The following AUH variants were observed in gnomAD, a reference collection of about 807,000 sequenced individuals.
AUH encodes methylglutaconyl-CoA hydratase, mitochondrial.
AUH carries 29 observed loss-of-function variants against 42.3 expected under a neutral mutation model. The ratio of observed to expected loss-of-function variants is 0.69; its 90% CI spans 0.51 to 0.93. AUH has a LOEUF of 0.93. AUH is among the 40% of genes least tolerant of loss of function. The pLI is 0.00. For missense variants in AUH, 452 were observed against 438.1 expected, an observed-to-expected ratio of 1.03 and a Z score of -0.28; for synonymous variants, 174 against 166.4, an observed-to-expected ratio of 1.05 and a Z score of -0.35.
intron 1 of AUH, among the ~76,000 whole-genome samples, chr9:91,357,187 C>G (rs1832480313): frequency 2.0e-5 from 3 of 152,196 alleles, no homozygotes; most frequent in Non-Finnish European, 4.4e-5. Context: ...GGTCCCAATA[C>G]TACTGACAAC....
chr9:91,315,247 C>A (rs1829065561), intron 4 of AUH, among the ~76,000 whole-genome samples: 1 of 152,204 alleles, frequency 6.6e-6, no homozygotes, highest in Admixed American at 6.5e-5. Flanking sequence ...CCCTCTGTTT[C>A]ATCTTTTGAC....
chr9:91,274,252 A>G (rs936009260), intron 6 of AUH, among the ~76,000 whole-genome samples: 19 of 152,356 alleles, frequency 1.2e-4, no homozygotes, highest in East Asian at 3.9e-4. Context: ...CATTTAACAA[A>G]TATTTACTAA....
chr9:91,302,187 C>T (rs984079211), intron 4 of AUH, among the ~76,000 whole-genome samples: 2 of 142,380 alleles, frequency 1.4e-5, no homozygotes, highest in Non-Finnish European at 3.1e-5. Flanking sequence ...AAGAGGGGGC[C>T]GGGTGCAGTG....
At chr9:91,358,482 G>C (rs1217948404) in intron 1 of AUH, among the ~76,000 whole-genome samples, 1 of 152,076 alleles carries the variant, frequency 6.6e-6, no homozygotes, top group African/African-American at 2.4e-5. Context: ...AATTCGGCAA[G>C]TTACTTAACC....
chr9:91,255,008 T>C (rs949790899), intron 6 of AUH, among the ~76,000 whole-genome samples: 16 of 152,224 alleles, frequency 1.1e-4, no homozygotes, highest in Non-Finnish European at 1.8e-4. Flanking sequence ...TAGCCTGGAA[T>C]TGAAAACATT....
At chr9:91,237,756 T>C (rs958920780) in intron 6 of AUH, among the ~76,000 whole-genome samples, 1 of 152,214 alleles carries the variant, frequency 6.6e-6, no homozygotes, top group African/African-American at 2.4e-5. Flanking sequence ...AATAACTTCC[T>C]GTTACCTGGT....
chr9:91,226,458 G>A (rs1384160119), intron 6 of AUH, among the ~76,000 whole-genome samples: 1 of 151,824 alleles, frequency 6.6e-6, no homozygotes, highest in East Asian at 1.9e-4. Context: ...TTAGCCCTTT[G>A]TCAGATGAGT....
chr9:91,279,353 T>C (rs1230619778), intron 6 of AUH, among the ~76,000 whole-genome samples: 1 of 152,150 alleles, frequency 6.6e-6, no homozygotes, highest in Non-Finnish European at 1.5e-5. Context: ...TCTAAAGAAA[T>C]ACAGTTCAGT....
At chr9:91,344,485 A>G (rs944941360) in intron 3 of AUH, among the ~76,000 whole-genome samples, 7 of 152,218 alleles carry the variant, frequency 4.6e-5, no homozygotes, top group Non-Finnish European at 2.9e-5. Flanking sequence ...GGTCACTCAT[A>G]TTTGGCTCAG....
chr9:91,256,416 T>C (rs1829405698), intron 6 of AUH, among the ~76,000 whole-genome samples: 1 of 152,108 alleles, frequency 6.6e-6, no homozygotes, highest in South Asian at 2.1e-4. Context: ...CTGCCCTCCT[T>C]TGGTGCTCAT....
intron 8 of AUH, 122 bp downstream of exon 8, chr9:91,217,155 A>G: frequency 1.0e-6 from 1 of 987,114 alleles, no homozygotes; most frequent in Non-Finnish European, 1.5e-6. Context: ...TTTCAGTAAT[A>G]GTAGCATTTA....
At chr9:91,221,407 G>A (rs1396962494) in intron 6 of AUH, among the ~76,000 whole-genome samples, 1 of 152,200 alleles carries the variant, frequency 6.6e-6, no homozygotes, top group African/African-American at 2.4e-5. Flanking sequence ...TTAACACATT[G>A]TGAGACATTC....
intron 6 of AUH, among the ~76,000 whole-genome samples, chr9:91,282,332 C>A (rs1212308399): frequency 6.6e-6 from 1 of 152,124 alleles, no homozygotes; most frequent in Non-Finnish European, 1.5e-5. Context: ...GACCCCTTCC[C>A]CTATTTTTTT....
intron 6 of AUH, among the ~76,000 whole-genome samples, chr9:91,228,581 C>A (rs1223000688): frequency 2.1e-5 from 3 of 144,990 alleles, no homozygotes; most frequent in Non-Finnish European, 4.5e-5. Context: ...TTAGTTATTT[C>A]TTGCCTTCTG....
intron 6 of AUH, among the ~76,000 whole-genome samples, chr9:91,224,217 C>G (rs1827300310): frequency 6.6e-6 from 1 of 152,116 alleles, no homozygotes; most frequent in Non-Finnish European, 1.5e-5. Flanking sequence ...TGCTGAGCGC[C>G]TAAGTTTTCA....
chr9:91,358,834 A>T (rs914212802), intron 1 of AUH, among the ~76,000 whole-genome samples: 4 of 152,236 alleles, frequency 2.6e-5, no homozygotes, highest in South Asian at 2.1e-4. Context: ...GAAATGAATT[A>T]TCTAATATGT....
intron 6 of AUH, among the ~76,000 whole-genome samples, chr9:91,264,988 C>A (rs1425567986): frequency 6.6e-6 from 1 of 152,194 alleles, no homozygotes; most frequent in Non-Finnish European, 1.5e-5. Context: ...CTTAATACTT[C>A]TTCACACACA....
intron 6 of AUH, among the ~76,000 whole-genome samples, chr9:91,267,628 A>G (rs1207251989): frequency 6.6e-6 from 1 of 152,118 alleles, no homozygotes; most frequent in Non-Finnish European, 1.5e-5. Flanking sequence ...CTCCCTTGGT[A>G]GTGGTTGCAA....
chr9:91,225,815 T>C (rs1338922850), intron 6 of AUH, among the ~76,000 whole-genome samples: 4 of 151,810 alleles, frequency 2.6e-5, no homozygotes, highest in Non-Finnish European at 5.9e-5. Context: ...TGGTTTTTTG[T>C]TCTTGGGATA....
Sources: allele counts gnomAD v4.1 joint callset (sites outside exome capture counted in the v4.1 genomes callset), GRCh38; gene constraint gnomAD v4.1.1; transcripts MANE v1.5; gene names NCBI Gene and HGNC (gene_info 2026-07-23, HGNC 2026-07-21).